The following PKHD1 variants were observed in gnomAD, a reference collection of about 807,000 sequenced individuals.
PKHD1 encodes PKHD1 ciliary IPT domain containing fibrocystin/polyductin.
A neutral mutation model predicts 412.0 loss-of-function variants in PKHD1; 291 were observed. That is an observed-to-expected ratio of 0.71 (90% confidence interval 0.64 to 0.78). The LOEUF (loss-of-function observed/expected upper bound fraction) is 0.78. PKHD1 is among the 30% of genes least tolerant of loss of function. PKHD1 has a pLI of 0.00. For synonymous variants in PKHD1, 1,777 were observed against 1,821.5 expected (o/e 0.98, Z 0.62); for missense variants, 4,825 against 4,950.7 (o/e 0.97, Z 0.76).
intron 38 of PKHD1, 38 bp from the exon 39 acceptor site, chr6:51,911,994 A>C: frequency 1.3e-6 from 2 of 1,503,978 alleles, no homozygotes; most frequent in Non-Finnish European, 1.8e-6. Context: ...TGAGGACATC[A>C]CTCCAAATCT....
intron 33 of PKHD1, among the ~76,000 whole-genome samples, chr6:52,021,161 G>GTGACACC (rs1801341998): frequency 6.6e-6 from 1 of 152,170 alleles, no homozygotes; most frequent in Non-Finnish European, 1.5e-5. Context: ...TGAGTGTTTG[G>GTGACACC]TGACACCTAG....
intron 36 of PKHD1, among the ~76,000 whole-genome samples, chr6:51,947,130 C>A (rs920388142): frequency 6.6e-6 from 1 of 152,206 alleles, no homozygotes; most frequent in Non-Finnish European, 1.5e-5. Context: ...CTGCTCCTCT[C>A]AAGGCCACAG....
rs531502637 is a variant in PKHD1 at position 51,995,509 on chromosome 6, C to T, written c.5751+14800G>A. Among the ~76,000 whole-genome samples, 7 of 152,334 alleles carry T rather than the reference C, an allele frequency of 4.6e-5. No homozygotes were observed. The South Asian group carries it at 8.3e-4, about 18-fold the overall frequency. On this transcript the variant is annotated intron_variant, in intron 35 of 66. Coordinates refer to ENST00000371117, the MANE Select transcript of PKHD1 (RefSeq NM_138694.4). The stretch of plus-strand genomic sequence containing the variant: ...ACCATGTTTTCCCATCTCTGGGACT[C>T]TGTAAGACTAGTCTCTTAGCTAGTA...
At chr6:51,907,562 G>C (rs1782303140) in intron 40 of PKHD1, among the ~76,000 whole-genome samples, 1 of 152,128 alleles carries the variant, frequency 6.6e-6, no homozygotes, top group African/African-American at 2.4e-5. Context: ...GGAATACTGG[G>C]ATTAGTGAAC....
intron 14 of PKHD1, among the ~76,000 whole-genome samples, chr6:52,061,281 C>G (rs571557140): frequency 1.3e-5 from 2 of 152,282 alleles, no homozygotes; most frequent in African/African-American, 4.8e-5. Flanking sequence ...GCCCTAACTC[C>G]TGAGCTCAAA....
rs199953233 is a variant in PKHD1 at position 51,855,888 on chromosome 6, G to T, written c.7911+5C>A. 28 of 1,609,038 alleles carry T rather than the reference G, an allele frequency of 1.7e-5. No individual in the cohort carries two copies. The African/African-American group carries it at 2.9e-4, about 17-fold the overall frequency. ...GCATACCAACTAATGGATTCCTTGGGTTACCTGCAGAGATCTGTTGATCCA... is the reference window on the plus strand; with the variant it reads ...GCATACCAACTAATGGATTCCTTGGTTTACCTGCAGAGATCTGTTGATCCA... On this transcript the variant is annotated splice_donor_5th_base_variant and intron_variant, in intron 49 of 66. Coordinates refer to ENST00000371117, the MANE Select transcript of PKHD1 (RefSeq NM_138694.4).
At chr6:51,695,132 T>C (rs912604836) in intron 60 of PKHD1, among the ~76,000 whole-genome samples, 2 of 152,200 alleles carry the variant, frequency 1.3e-5, no homozygotes, top group African/African-American at 4.8e-5. Context: ...TTTAATAATA[T>C]TTCTTTAAAT....
At chr6:52,037,687 C>T (rs1055305111) in intron 27 of PKHD1, among the ~76,000 whole-genome samples, 7 of 152,146 alleles carry the variant, frequency 4.6e-5, no homozygotes, top group African/African-American at 1.4e-4. Context: ...GGGAACACAC[C>T]GTGTTAGTAA....
At chr6:51,981,319 C>A (rs1439717168) in intron 35 of PKHD1, among the ~76,000 whole-genome samples, 4 of 13,366 alleles carry the variant, frequency 3.0e-4, no homozygotes, top group African/African-American at 8.0e-4. Context: ...AGCTCTCCCT[C>A]TCCCTCTCCC....
chr6:52,058,723 T>C (rs1808192451), intron 15 of PKHD1, 122 bp from the exon 16 acceptor site: 1 of 955,754 alleles, frequency 1.0e-6, no homozygotes, highest in African/African-American at 1.6e-5. Context: ...CTTTTTAACA[T>C]ATTAACCCAG....
At chr6:51,721,390 A>G in intron 60 of PKHD1, 1 of 467,964 alleles carries the variant, frequency 2.1e-6, no homozygotes, top group Non-Finnish European at 2.8e-6. Flanking sequence ...TAATATACCA[A>G]TAATAATATA....
chr6:51,759,434 T>C (rs1787605841), intron 55 of PKHD1, among the ~76,000 whole-genome samples: 1 of 152,084 alleles, frequency 6.6e-6, no homozygotes, highest in South Asian at 2.1e-4. Context: ...GAATTTTGAA[T>C]GAAACTGAGG....
At chr6:52,071,122 AGATCT>A in intron 8 of PKHD1, 52 bp from the exon 9 acceptor site, 1 of 1,193,206 alleles carries the variant, frequency 8.4e-7, no homozygotes, top group Non-Finnish European at 1.3e-6. Flanking sequence ...CACTACCAGA[AGATCT>A]GACTCTTTAA....
intron 27 of PKHD1, among the ~76,000 whole-genome samples, chr6:52,039,742 T>G (rs1804536627): frequency 6.6e-6 from 1 of 152,164 alleles, no homozygotes; most frequent in Non-Finnish European, 1.5e-5. Flanking sequence ...ACCCAGCAAT[T>G]CCATTTTTAG....
intron 35 of PKHD1, among the ~76,000 whole-genome samples, chr6:52,009,709 G>A (rs991720995): frequency 6.6e-6 from 1 of 152,056 alleles, no homozygotes; most frequent in Non-Finnish European, 1.5e-5. Flanking sequence ...TTCCTCTCTG[G>A]AGACTTACAA....
intron 50 of PKHD1, among the ~76,000 whole-genome samples, chr6:51,847,463 G>A (rs149635068): frequency 1.4e-3 from 218 of 152,074 alleles, no homozygotes; most frequent in African/African-American, 5.1e-3. Flanking sequence ...TTGTGGGCTA[G>A]GCCTTCTGCT....
intron 37 of PKHD1, among the ~76,000 whole-genome samples, chr6:51,933,131 C>G (rs188090292): frequency 6.6e-6 from 1 of 152,170 alleles, no homozygotes; most frequent in Non-Finnish European, 1.5e-5. Flanking sequence ...TAAACACCCA[C>G]TGAAATATGC....
In PKHD1 at chr6:51,934,289, A is replaced by G. The variant is rs1787123821; in HGVS notation, c.5942T>C (p.Ile1981Thr). ...GKLIFMAPGP[I>T]ELRAHAILVS... ...AAGGATGGCGTGTGCCCTGAGCTCG[A>G]TGGGTCCTGGGGCCATGAAAATCAG... Residue 1981 changes from isoleucine to threonine, a missense_variant, in exon 37 of 67, where the codon ATC becomes ACC. Coordinates refer to ENST00000371117, the MANE Select transcript of PKHD1 (RefSeq NM_138694.4). 3 of 1,613,018 alleles carry G rather than the reference A, an allele frequency of 1.9e-6. No individual in the cohort carries two copies. Among genetic ancestry groups the G allele is most frequent in the Admixed American group, 1.7e-5 (1 of 60,024 alleles).
chr6:51,957,696 T>C (rs931055880), intron 36 of PKHD1, among the ~76,000 whole-genome samples: 8 of 152,098 alleles, frequency 5.3e-5, no homozygotes, highest in South Asian at 2.1e-4. Context: ...ATGTATACAA[T>C]TCCAGTAAGT....
Sources: gnomAD v4.1 joint callset for allele counts (sites outside exome capture counted in the v4.1 genomes callset) on GRCh38, gnomAD v4.1.1 for gene constraint, MANE v1.5 for transcripts, NCBI Gene and HGNC (gene_info 2026-07-23, HGNC 2026-07-21) for gene names.